The following ZCCHC7 variants were observed in gnomAD, a reference collection of about 807,000 sequenced individuals.
ZCCHC7 encodes zinc finger CCHC domain-containing protein 7.
Under a neutral mutation model 52.0 loss-of-function variants are expected in ZCCHC7, and 35 were observed. The ratio of observed to expected loss-of-function variants is 0.67; its 90% confidence interval spans 0.51 to 0.89. ZCCHC7 has a LOEUF of 0.89. ZCCHC7 is among the 40% of genes least tolerant of loss of function. The probability of loss-of-function intolerance (pLI) is 0.00; values close to 1 mark genes in which losing one functional copy is unlikely to be tolerated. For missense variants in ZCCHC7, 574 were observed against 649.1 expected, an observed-to-expected ratio of 0.88 and a Z score of 1.26; for synonymous variants, 217 against 221.5, an observed-to-expected ratio of 0.98 and a Z score of 0.18.
intron 2 of ZCCHC7, among the ~76,000 whole-genome samples, chr9:37,137,736 T>C (rs926883532): frequency 6.6e-6 from 1 of 151,778 alleles, no homozygotes; most frequent in Non-Finnish European, 1.5e-5. Flanking sequence ...CTCATAGTTA[T>C]GTTCTTCCTT....
intron 2 of ZCCHC7, among the ~76,000 whole-genome samples, chr9:37,162,407 A>G (rs916100853): frequency 3.3e-5 from 5 of 152,136 alleles, no homozygotes; most frequent in Admixed American, 6.5e-5. Context: ...CATACCGTCC[A>G]TCCCCAGGGA....
chr9:37,326,208 GTA>G (rs1830232779), intron 5 of ZCCHC7: 1 of 152,090 alleles, frequency 6.6e-6, no homozygotes, highest in Non-Finnish European at 1.5e-5. Context: ...ATATTTGTGT[GTA>G]TACATGTTTA....
chr9:37,256,456 C>T (rs1302438629), intron 2 of ZCCHC7, among the ~76,000 whole-genome samples: 2 of 152,032 alleles, frequency 1.3e-5, no homozygotes, highest in African/African-American at 4.8e-5. Flanking sequence ...GTTCTGGCTC[C>T]TTAGAATGAA....
chr9:37,183,366 G>T (rs535153247), intron 2 of ZCCHC7, among the ~76,000 whole-genome samples: 1 of 152,292 alleles, frequency 6.6e-6, no homozygotes, highest in Non-Finnish European at 1.5e-5. Flanking sequence ...TTGCCTGAGA[G>T]GTCAGTCATA....
At chr9:37,128,099 G>A (rs1362261266) in intron 2 of ZCCHC7, among the ~76,000 whole-genome samples, 4 of 152,200 alleles carry the variant, frequency 2.6e-5, no homozygotes, top group Admixed American at 2.6e-4. Flanking sequence ...GGTGAGCTCT[G>A]ATAATGTTTG....
chr9:37,141,308 A>T (rs1013112311), intron 2 of ZCCHC7, among the ~76,000 whole-genome samples: 48 of 149,890 alleles, frequency 3.2e-4, no homozygotes, highest in East Asian at 7.8e-4. Flanking sequence ...TTTTTTTTTT[A>T]AATTTGTTTC....
intron 2 of ZCCHC7, among the ~76,000 whole-genome samples, chr9:37,272,511 A>AG (rs1554722190): frequency 6.6e-5 from 10 of 150,466 alleles, no homozygotes; most frequent in East Asian, 3.9e-4. Flanking sequence ...AAAAAAAAAA[A>AG]AAAGAAAGAA....
chr9:37,344,111 G>A (rs1178879405), intron 6 of ZCCHC7, among the ~76,000 whole-genome samples: 2 of 152,122 alleles, frequency 1.3e-5, no homozygotes, highest in Non-Finnish European at 2.9e-5. Flanking sequence ...CCAGGAGTTC[G>A]AGACCAGCCT....
At chr9:37,209,612 C>G (rs1824105892) in intron 2 of ZCCHC7, among the ~76,000 whole-genome samples, 1 of 152,148 alleles carries the variant, frequency 6.6e-6, no homozygotes, top group Admixed American at 6.5e-5. Flanking sequence ...TGGTTTCACT[C>G]TACCTGTTAA....
At chr9:37,272,578 C>T (rs1257072269) in intron 2 of ZCCHC7, among the ~76,000 whole-genome samples, 1 of 151,308 alleles carries the variant, frequency 6.6e-6, no homozygotes, top group Non-Finnish European at 1.5e-5. Flanking sequence ...CTTCATTCCT[C>T]CCCTCTTTCA....
In ZCCHC7 at chr9:37,357,087, G is replaced by A; in HGVS notation, c.1451G>A (p.Gly484Asp). The A allele has an allele frequency of 6.2e-7, 1 of 1,613,684 alleles. No homozygotes were observed. Among genetic ancestry groups the A allele is most frequent in the Non-Finnish European group, 8.5e-7 (1 of 1,179,916 alleles). The stretch of plus-strand genomic sequence containing the variant: ...GGCCCCAAAACCTACTCTTCTCCTG[G>A]CAGTTTTAAAACCCAGAAGCCTTCT... ...PRGPKTYSSP[G>D]SFKTQKPSKP... Residue 484 changes from glycine (G) to aspartate (D), a missense_variant, in exon 9 of 9, where the codon GGC becomes GAC. Gly to Asp is a moderately conservative substitution (Grantham distance 94, BLOSUM62 -1). This residue lies in a region of ZCCHC7 where 168 missense variants were observed against 171.6 expected (regional missense o/e 0.98). Transcript: ENST00000336755.
chr9:37,304,325 A>G lies in ZCCHC7; in HGVS notation c.780+12A>G, dbSNP rs1311766974. The G allele has an allele frequency of 6.2e-7, 1 of 1,611,510 alleles. No individual in the cohort carries two copies. The highest frequency in any genetic ancestry group is 8.5e-7 in the Non-Finnish European group (1 of 1,178,786). On this transcript the variant is annotated intron_variant, in intron 4 of 8. Transcript: ENST00000336755. The stretch of plus-strand genomic sequence containing the variant: ...GCCCCTTACCACGAGTACGTGAAAT[A>G]TGCTTTGCTTCTTTCCACATTTGTA...
At chr9:37,123,472 A>G (rs1053347838) in intron 1 of ZCCHC7, among the ~76,000 whole-genome samples, 12 of 152,194 alleles carry the variant, frequency 7.9e-5, no homozygotes, top group Non-Finnish European at 1.6e-4. Context: ...TCATTTTTCT[A>G]CATTTCAGGG....
At chr9:37,304,370 GA>G in intron 4 of ZCCHC7, 57 bp downstream of exon 4, 1 of 1,590,350 alleles carries the variant, frequency 6.3e-7, no homozygotes, top group Non-Finnish European at 8.6e-7. Context: ...TCTCAAGGGT[GA>G]GGCTGGGCAC....
At chr9:37,299,290 T>C (rs1828927669) in intron 2 of ZCCHC7, among the ~76,000 whole-genome samples, 1 of 152,202 alleles carries the variant, frequency 6.6e-6, no homozygotes, top group Non-Finnish European at 1.5e-5. Context: ...TGCAAAGGTC[T>C]GGAAGATTTA....
intron 2 of ZCCHC7, among the ~76,000 whole-genome samples, chr9:37,140,885 T>C (rs925050928): frequency 2.6e-5 from 4 of 151,992 alleles, no homozygotes; most frequent in Admixed American, 6.6e-5. Context: ...TAGAAGGAGA[T>C]AGGTTTGTGA....
intron 2 of ZCCHC7, chr9:37,186,804 AT>A: frequency 2.3e-6 from 1 of 433,336 alleles, no homozygotes. Flanking sequence ...ATGGGGGATG[AT>A]TTTGGCACTT....
chr9:37,222,444 ATTAG>A (rs1215639171), intron 2 of ZCCHC7, among the ~76,000 whole-genome samples: 3 of 151,214 alleles, frequency 2.0e-5, no homozygotes, highest in African/African-American at 4.9e-5. Context: ...GAAAGGATGG[ATTAG>A]TTAGTAAGTG....
chr9:37,196,404 G>T (rs969742278), intron 2 of ZCCHC7, among the ~76,000 whole-genome samples: 1 of 152,108 alleles, frequency 6.6e-6, no homozygotes, highest in South Asian at 2.1e-4. Flanking sequence ...TTTGTCACAG[G>T]TTGTTCAAAT....
Sources: gnomAD v4.1 joint callset for allele counts (sites outside exome capture counted in the v4.1 genomes callset) on GRCh38, gnomAD v4.1.1 for gene constraint, gnomAD v4.1.1 regional missense constraint, MANE v1.5 for transcripts, NCBI Gene and HGNC (gene_info 2026-07-23, HGNC 2026-07-21) for gene names.